The following UBE2R2 variants were observed in gnomAD, a reference collection of about 807,000 sequenced individuals.
The protein encoded by UBE2R2 is ubiquitin-conjugating enzyme E2 R2.
A neutral mutation model predicts 27.8 loss-of-function variants in UBE2R2; 1 was observed. The observed-to-expected ratio is 0.04, with a 90% CI of 0.01 to 0.17. UBE2R2 has a LOEUF of 0.17. Among genes scored for constraint, UBE2R2 ranks in the 10% least tolerant of loss-of-function variants. The pLI, the probability that UBE2R2 is intolerant of heterozygous loss-of-function variation, is 1.00. For missense variants in UBE2R2, 100 were observed against 291.0 expected, an observed-to-expected ratio of 0.34 and a Z score of 4.78; for synonymous variants, 106 against 113.3, an observed-to-expected ratio of 0.94 and a Z score of 0.41.
At chr9:33,861,181 C>T (rs1023011737) in intron 1 of UBE2R2, among the ~76,000 whole-genome samples, 2 of 150,218 alleles carry the variant, frequency 1.3e-5, no homozygotes, top group Admixed American at 6.6e-5. Context: ...AGGATGGTCT[C>T]GATCTCCTGA....
intron 1 of UBE2R2, among the ~76,000 whole-genome samples, chr9:33,825,428 A>G (rs745319512): frequency 1.5e-4 from 22 of 151,718 alleles, no homozygotes; most frequent in Non-Finnish European, 2.9e-4. Context: ...TTTAGTAGAG[A>G]TGGGGTTTCA....
At chr9:33,827,559 T>C (rs1312291279) in intron 1 of UBE2R2, among the ~76,000 whole-genome samples, 1 of 152,032 alleles carries the variant, frequency 6.6e-6, no homozygotes, top group Non-Finnish European at 1.5e-5. Context: ...GAGAATTGTT[T>C]GAATGCGGGA....
chr9:33,848,664 T>A (rs933997329), intron 1 of UBE2R2, among the ~76,000 whole-genome samples: 5 of 151,896 alleles, frequency 3.3e-5, no homozygotes, highest in African/African-American at 1.2e-4. Flanking sequence ...TGCAATGGCG[T>A]GATCTCGGCT....
At chr9:33,913,652 A>G (rs971845053) in intron 4 of UBE2R2, among the ~76,000 whole-genome samples, 8 of 152,224 alleles carry the variant, frequency 5.3e-5, no homozygotes, top group African/African-American at 1.9e-4. Flanking sequence ...TTGACTAAGC[A>G]TTGGCATTTA....
chr9:33,825,578 C>T (rs1328809925), intron 1 of UBE2R2, among the ~76,000 whole-genome samples: 1 of 152,058 alleles, frequency 6.6e-6, no homozygotes, highest in Non-Finnish European at 1.5e-5. Context: ...CTAGTTAGAC[C>T]ATTTTTCAAC....
At chr9:33,908,459 A>G (rs1587483186) in intron 3 of UBE2R2, among the ~76,000 whole-genome samples, 1 of 152,194 alleles carries the variant, frequency 6.6e-6, no homozygotes, top group African/African-American at 2.4e-5. Flanking sequence ...ATTATTCCCC[A>G]TACAAAAAAG....
chr9:33,850,664 G>T (rs1170355620), intron 1 of UBE2R2, among the ~76,000 whole-genome samples: 1 of 146,182 alleles, frequency 6.8e-6, no homozygotes, highest in Non-Finnish European at 1.5e-5. Flanking sequence ...TCATATTACT[G>T]ATTTCAAACT....
At chr9:33,867,437 G>T (rs1821389361) in intron 1 of UBE2R2, among the ~76,000 whole-genome samples, 1 of 152,054 alleles carries the variant, frequency 6.6e-6, no homozygotes, top group Admixed American at 6.5e-5. Flanking sequence ...ATTTATTAAG[G>T]AGTGGACTTT....
At chr9:33,819,314 T>A (rs1351069118) in intron 1 of UBE2R2, among the ~76,000 whole-genome samples, 1 of 152,152 alleles carries the variant, frequency 6.6e-6, no homozygotes, top group Admixed American at 6.6e-5. Flanking sequence ...TGAAATTAGG[T>A]CAACTTTGTA....
At chr9:33,905,254 A>T (rs1177787130) in intron 3 of UBE2R2, among the ~76,000 whole-genome samples, 1 of 148,358 alleles carries the variant, frequency 6.7e-6, no homozygotes, top group African/African-American at 2.4e-5. Context: ...GGTATAAAAG[A>T]GTCTGTCTCA....
intron 1 of UBE2R2, among the ~76,000 whole-genome samples, chr9:33,878,317 G>A (rs1316748929): frequency 6.6e-6 from 1 of 152,086 alleles, no homozygotes; most frequent in Non-Finnish European, 1.5e-5. Flanking sequence ...TGAGGCAGTT[G>A]TAAGTAAAGG....
chr9:33,819,879 A>G (rs1014503565), intron 1 of UBE2R2, among the ~76,000 whole-genome samples: 1 of 152,148 alleles, frequency 6.6e-6, no homozygotes, highest in Non-Finnish European at 1.5e-5. Context: ...CCCTGTGATC[A>G]ACCCGCCTCT....
intron 1 of UBE2R2, among the ~76,000 whole-genome samples, chr9:33,871,457 A>G (rs78588901): frequency 0.016 from 2,472 of 152,242 alleles, 58 homozygotes; most frequent in African/African-American, 0.056. Context: ...TTTAAATAGG[A>G]TATGCTTGTG....
intron 1 of UBE2R2, among the ~76,000 whole-genome samples, chr9:33,825,528 A>G (rs1293264073): frequency 6.6e-6 from 1 of 152,148 alleles, no homozygotes. Context: ...GGCATGAGCC[A>G]CCACACCTGT....
At chr9:33,915,333 T>C (rs1370814218) in intron 4 of UBE2R2, among the ~76,000 whole-genome samples, 1 of 152,066 alleles carries the variant, frequency 6.6e-6, no homozygotes, top group Non-Finnish European at 1.5e-5. Flanking sequence ...AGGTAGAAAA[T>C]GCATATGCAG....
chr9:33,831,034 G>A (rs1186478875), intron 1 of UBE2R2: 1 of 140,124 alleles, frequency 7.1e-6, no homozygotes, highest in African/African-American at 2.7e-5. Context: ...GTTACAGATT[G>A]CTTAGTTTCT....
chr9:33,835,953 T>C (rs1820605210), intron 1 of UBE2R2, among the ~76,000 whole-genome samples: 1 of 152,196 alleles, frequency 6.6e-6, no homozygotes, highest in Non-Finnish European at 1.5e-5. Context: ...GATTTCGTTT[T>C]AAGCTAAGAA....
chr9:33,833,212 A>G (rs1381885560), intron 1 of UBE2R2, among the ~76,000 whole-genome samples: 1 of 152,060 alleles, frequency 6.6e-6, no homozygotes, highest in African/African-American at 2.4e-5. Context: ...TTACAAACAC[A>G]TGCCACCGTG....
chr9:33,849,510 AT>A (rs1164786961), intron 1 of UBE2R2, among the ~76,000 whole-genome samples: 1 of 151,910 alleles, frequency 6.6e-6, no homozygotes, highest in Non-Finnish European at 1.5e-5. Flanking sequence ...CTTTGTATTC[AT>A]TTTCCTTATT....
Sources: gnomAD v4.1 joint callset for allele counts (sites outside exome capture counted in the v4.1 genomes callset) on GRCh38, gnomAD v4.1.1 for gene constraint, MANE v1.5 for transcripts, NCBI Gene and HGNC (gene_info 2026-07-23, HGNC 2026-07-21) for gene names.